CHL1: variants seen among roughly 807,000 people sequenced by gnomAD.
CHL1 encodes cell adhesion molecule L1 like, also known as neural cell adhesion molecule L1-like protein.
In CHL1, 96 loss-of-function variants were observed where a neutral mutation model predicts 141.9. That is an observed-to-expected ratio of 0.68 (90% CI 0.57 to 0.80). The LOEUF (loss-of-function observed/expected upper bound fraction) is 0.80. CHL1 is among the 30% of genes least tolerant of loss of function. The pLI, the probability that CHL1 is intolerant of heterozygous loss-of-function variation, is 0.00. For missense variants in CHL1, 1,820 were observed against 1,457.2 expected (o/e 1.25, Z -4.05); for synonymous variants, 613 against 502.2 (o/e 1.22, Z -2.95).
intron 2 of CHL1, among the ~76,000 whole-genome samples, chr3:280,608 G>A (rs1696553012): frequency 6.6e-6 from 1 of 152,122 alleles, no homozygotes; most frequent in African/African-American, 2.4e-5. Context: ...ACCTGGAACT[G>A]TTTAAAGGGA....
At chr3:343,552 T>G (rs1201830325) in intron 8 of CHL1, among the ~76,000 whole-genome samples, 1 of 152,212 alleles carries the variant, frequency 6.6e-6, no homozygotes, top group South Asian at 2.1e-4. Flanking sequence ...CTTTCCCCCA[T>G]AGAACGTCTA....
At chr3:259,738 A>T (rs1694530132) in intron 2 of CHL1, among the ~76,000 whole-genome samples, 1 of 152,146 alleles carries the variant, frequency 6.6e-6, no homozygotes. Flanking sequence ...TATTTGTCAC[A>T]ACGAGTTTAT....
chr3:386,192 C>T (rs1223151203), intron 19 of CHL1, among the ~76,000 whole-genome samples: 1 of 118,726 alleles, frequency 8.4e-6, no homozygotes, highest in African/African-American at 3.3e-5. Flanking sequence ...TGATAATGGT[C>T]AGAGGGACAT....
intron 22 of CHL1, 65 bp from the exon 23 acceptor site, chr3:391,610 T>C (rs1039109937): frequency 1.8e-6 from 2 of 1,128,220 alleles, no homozygotes; most frequent in Non-Finnish European, 2.6e-6. Flanking sequence ...AAATTTATAA[T>C]ATAATAAGGC....
At chr3:298,453 C>T (rs1698410643) in intron 2 of CHL1, among the ~76,000 whole-genome samples, 1 of 152,162 alleles carries the variant, frequency 6.6e-6, no homozygotes, top group African/African-American at 2.4e-5. Context: ...AGTTTACATT[C>T]CTTGCTCAAT....
intron 7 of CHL1, 50 bp downstream of exon 7, chr3:342,132 G>C (rs1702391399): frequency 1.3e-6 from 2 of 1,506,842 alleles, no homozygotes; most frequent in Non-Finnish European, 9.1e-7. Context: ...ATGCAAATGT[G>C]TCTGTAATTT....
intron 15 of CHL1, among the ~76,000 whole-genome samples, chr3:374,573 C>G (rs939919948): frequency 1.3e-5 from 2 of 152,166 alleles, no homozygotes; most frequent in South Asian, 4.1e-4. Flanking sequence ...GATCCCAGAG[C>G]TGACACTGAA....
intron 19 of CHL1, among the ~76,000 whole-genome samples, chr3:388,408 G>T (rs1357745893): frequency 6.6e-6 from 1 of 151,830 alleles, no homozygotes; most frequent in Non-Finnish European, 1.5e-5. Flanking sequence ...TTAGCCGGGC[G>T]TGGTGGTGCA....
chr3:344,117 T>C (rs1702567748), intron 8 of CHL1, among the ~76,000 whole-genome samples: 1 of 152,174 alleles, frequency 6.6e-6, no homozygotes, highest in African/African-American at 2.4e-5. Flanking sequence ...GATAAATTCA[T>C]AGATGCCTAG....
intron 2 of CHL1, among the ~76,000 whole-genome samples, chr3:275,619 G>A (rs1282612086): frequency 2.0e-5 from 3 of 152,134 alleles, no homozygotes; most frequent in Admixed American, 1.3e-4. Context: ...ATCATAGGCA[G>A]GGAAGAGTAG....
chr3:398,158 A>G (rs1437322633), intron 24 of CHL1, 69 bp from the exon 25 acceptor site: 2 of 1,126,920 alleles, frequency 1.8e-6, no homozygotes, highest in Admixed American at 5.1e-5. Flanking sequence ...ACCTCTAACA[A>G]CAATATTTTT....
chr3:311,509 C>A (rs1025228278), intron 2 of CHL1, among the ~76,000 whole-genome samples: 1 of 152,068 alleles, frequency 6.6e-6, no homozygotes, highest in Admixed American at 6.6e-5. Context: ...CTCCTGCCCA[C>A]TGGATGCAAA....
intron 1 of CHL1, among the ~76,000 whole-genome samples, chr3:238,680 T>C (rs1308696001): frequency 1.3e-5 from 2 of 151,992 alleles, no homozygotes; most frequent in Non-Finnish European, 2.9e-5. Context: ...ATCCCAGCAC[T>C]TTGGGAGGCC....
At chr3:209,219 C>G (rs1341448708) in intron 1 of CHL1, among the ~76,000 whole-genome samples, 1 of 152,146 alleles carries the variant, frequency 6.6e-6, no homozygotes, top group East Asian at 1.9e-4. Context: ...TAATTTAGAA[C>G]CATTCTAATA....
chr3:276,708 T>A (rs1023326921), intron 2 of CHL1, among the ~76,000 whole-genome samples: 1 of 151,532 alleles, frequency 6.6e-6, no homozygotes, highest in Non-Finnish European at 1.5e-5. Context: ...GCTAACAGGG[T>A]GAAATCCCTT....
At chr3:344,038 T>C (rs1171939536) in intron 8 of CHL1, among the ~76,000 whole-genome samples, 1 of 152,178 alleles carries the variant, frequency 6.6e-6, no homozygotes, top group African/African-American at 2.4e-5. Context: ...GGATGCTTAC[T>C]AGTCATTTCC....
Position 230,502 on chromosome 3 carries a change from C to CT in CHL1, c.-174-14099dup, listed in dbSNP as rs551069917. 3.8e-3 allele frequency among the ~76,000 whole-genome samples: 549 copies of CT among 145,404 alleles called. 8 individuals carry two copies. The highest frequency in any genetic ancestry group is 0.021 in the South Asian group (96 of 4,534). Reference sequence around the variant, plus strand: ...ACATCTACCTTCAGAAAGTATAAACCTTTTTTTTTTTTGACAGAGTGATTG... The same window carrying CT: ...ACATCTACCTTCAGAAAGTATAAACCTTTTTTTTTTTTTGACAGAGTGATTG... On this transcript the variant is annotated intron_variant, in intron 1 of 27. Coordinates refer to ENST00000256509, the MANE Select transcript of CHL1 (RefSeq NM_006614.4).
At position 405,776 on chromosome 3, in the gene CHL1, G is replaced by A; in HGVS notation, c.*65G>A. 2.5e-6 allele frequency: 3 copies of A among 1,219,926 alleles called. No individual in the cohort carries two copies. Among genetic ancestry groups the A allele is most frequent in the Non-Finnish European group, 3.6e-6 (3 of 839,238 alleles). The allele number at this position is 1,219,926 out of a possible 1,614,324, so 75.6% of individuals were successfully genotyped here. A position where few individuals can be genotyped will look rare whatever the true frequency, so the allele number is the denominator to read the frequency against. ...CTTCCATATTTATCTGTTCAAAGGAGCAAGAACTTTCATATAGGAATAGAA... is the reference window on the plus strand; with the variant it reads ...CTTCCATATTTATCTGTTCAAAGGAACAAGAACTTTCATATAGGAATAGAA... On this transcript the variant is annotated 3_prime_UTR_variant, in exon 28 of 28. Transcript: ENST00000256509.
At chr3:327,992 A>T (rs73817618) in intron 4 of CHL1, among the ~76,000 whole-genome samples, 175 bp from the exon 5 acceptor site, 1 of 152,090 alleles carries the variant, frequency 6.6e-6, no homozygotes, top group East Asian at 1.9e-4. Context: ...TTTTATGGAC[A>T]GTAATATTTC....
Sources: gnomAD v4.1 joint callset for allele counts (sites outside exome capture counted in the v4.1 genomes callset) on GRCh38, gnomAD v4.1.1 for gene constraint, MANE v1.5 for transcripts, NCBI Gene and HGNC (gene_info 2026-07-23, HGNC 2026-07-21) for gene names.